ATP9B: variants seen among roughly 807,000 people sequenced by gnomAD.
ATP9B encodes the protein ATPase phospholipid transporting 9B.
A neutral mutation model predicts 146.1 loss-of-function variants in ATP9B; 110 were observed. The ratio of observed to expected loss-of-function variants is 0.75; its 90% confidence interval spans 0.65 to 0.88. The LOEUF is 0.88. Among genes scored for constraint, ATP9B ranks in the 40% least tolerant of loss-of-function variants. The pLI, the probability that ATP9B is intolerant of heterozygous loss-of-function variation, is 0.00. For missense variants in ATP9B, 1,499 were observed against 1,496.4 expected (o/e 1.00, Z -0.03); for synonymous variants, 604 against 569.7 (o/e 1.06, Z -0.86).
In ATP9B at chr18:79,345,561, C is replaced by T; in HGVS notation, c.2606C>T (p.Thr869Ile). ...CTGCAGCAGCACACAGGGAGACGCA[C>T]CTGCGCCATCGGTGAGAGCCGCCCA... ...TLLQQHTGRR[T>I]CAIGDGGNDV... Residue 869 changes from threonine (T) to isoleucine (I), a missense_variant, in exon 22 of 30, where the codon ACC (threonine) becomes ATC (isoleucine). Physicochemically the swap from Thr to Ile is moderately conservative, Grantham distance 89. Coordinates refer to ENST00000426216, the MANE Select transcript of ATP9B (RefSeq NM_198531.5). 1.2e-6 allele frequency: 2 copies of T among 1,608,472 alleles called. No individual in the cohort carries two copies. Among genetic ancestry groups the T allele is most frequent in the Non-Finnish European group, 1.7e-6 (2 of 1,179,848 alleles).
rs114294128 is a variant in ATP9B at position 79,104,765 on chromosome 18, T to A, written c.294-5590T>A. Among the ~76,000 whole-genome samples, 668 of 152,112 alleles carry A rather than the reference T, an allele frequency of 4.4e-3. 7 individuals carry two copies. Among genetic ancestry groups the A allele is most frequent in the African/African-American group, 0.016 (646 of 41,494 alleles). On this transcript the variant is annotated intron_variant, in intron 2 of 29. Transcript: ENST00000426216. ...GTCTTTATCTTTTTTTTTTTCTTTT[T>A]GAGACAGGCACTCTCTTGCCCAGGC...
rs138718743 is a variant in ATP9B, at chr18:79,272,032, G to A, written c.1269-5022G>A. Among the ~76,000 whole-genome samples, 1,151 of 152,314 alleles carry A rather than the reference G, an allele frequency of 7.6e-3. 16 individuals carry two copies. The highest frequency in any genetic ancestry group is 0.027 in the African/African-American group (1,105 of 41,570). On this transcript the variant is annotated intron_variant, in intron 12 of 29. Coordinates refer to ENST00000426216, the MANE Select transcript of ATP9B (RefSeq NM_198531.5). The stretch of plus-strand genomic sequence containing the variant: ...TTGTGTGTCTTTTGGCTGCATAAAT[G>A]TCTTCTTTTGAGAAGTGCTTGTTCA...
intron 11 of ATP9B, among the ~76,000 whole-genome samples, chr18:79,222,040 T>TG (rs1248816444): frequency 6.6e-6 from 1 of 152,168 alleles, no homozygotes; most frequent in Admixed American, 6.5e-5. Context: ...ATTTCCCACT[T>TG]GCCTATCCTG....
chr18:79,069,432 T>A lies in ATP9B; in HGVS notation c.22T>A (p.Tyr8Asn). The A allele has an allele frequency of 2.0e-6, 3 of 1,520,776 alleles. No homozygotes were observed. Among genetic ancestry groups the A allele is most frequent in the Non-Finnish European group, 2.6e-6 (3 of 1,138,116 alleles). The allele number at this position is 1,520,776 out of a possible 1,614,324, so 94.2% of individuals were successfully genotyped here. MADQIPL[Y>N]PVRSAAAAAA... ...GAACATGGCGGACCAGATCCCGCTTTACCCGGTGCGTAGCGCAGCGGCGGC... is the reference window on the plus strand; with the variant it reads ...GAACATGGCGGACCAGATCCCGCTTAACCCGGTGCGTAGCGCAGCGGCGGC... The change falls in exon 1 of 30, where the codon TAC (tyrosine) becomes AAC (asparagine). Residue 8 changes from tyrosine to asparagine, a missense_variant. Transcript: ENST00000426216.
At chr18:79,096,143 T>C (rs1188872420) in intron 1 of ATP9B, among the ~76,000 whole-genome samples, 1 of 152,204 alleles carries the variant, frequency 6.6e-6, no homozygotes, top group Non-Finnish European at 1.5e-5. Context: ...TTTCAGAAGA[T>C]TGGTTTTTTC....
At chr18:79,187,443 C>A (rs1388028263) in intron 8 of ATP9B, among the ~76,000 whole-genome samples, 5 of 152,212 alleles carry the variant, frequency 3.3e-5, no homozygotes, top group African/African-American at 1.2e-4. Flanking sequence ...TTCGCATGCT[C>A]TGCTGGCCAG....
chr18:79,359,499 G>C, intron 26 of ATP9B, 37 bp downstream of exon 26: 1 of 1,478,146 alleles, frequency 6.8e-7, no homozygotes, highest in Non-Finnish European at 9.5e-7. Flanking sequence ...CTCACGACTA[G>C]CACCCACATC....
rs2097079637 is a variant in ATP9B at position 79,372,747 on chromosome 18, C to T, written c.3013-78C>T. The T allele has an allele frequency of 1.4e-5, 13 of 934,926 alleles. No homozygotes were observed. The South Asian group carries it at 1.4e-4, about 10-fold the overall frequency. 57.9% of individuals were successfully genotyped at this position (934,926 alleles called of 1,614,324 possible). On this transcript the variant is annotated intron_variant, in intron 26 of 29. Coordinates refer to ENST00000426216, the MANE Select transcript of ATP9B (RefSeq NM_198531.5). ...ATGGACCTGGGTCTTTCAGAAGTGA[C>T]CCATAGCTCACTCCTGGAAGGCGTG... is the stretch of plus-strand genomic sequence containing the variant.
chr18:79,328,891 C>T (rs2096775389), intron 15 of ATP9B, among the ~76,000 whole-genome samples: 1 of 152,278 alleles, frequency 6.6e-6, no homozygotes, highest in East Asian at 1.9e-4. Flanking sequence ...TAAAGAAAGT[C>T]TTTATGATCC....
intron 11 of ATP9B, among the ~76,000 whole-genome samples, chr18:79,225,313 T>C (rs2095717989): frequency 6.6e-6 from 1 of 152,220 alleles, no homozygotes; most frequent in South Asian, 2.1e-4. Flanking sequence ...AACATGAAAT[T>C]AGATAGTTTT....
chr18:79,264,468 T>C (rs1019705604), intron 12 of ATP9B, among the ~76,000 whole-genome samples: 9 of 152,228 alleles, frequency 5.9e-5, no homozygotes, highest in African/African-American at 2.2e-4. Context: ...ATCTGTAGTT[T>C]GACTTTTTAC....
chr18:79,376,707 T>TG (rs2097105320), intron 29 of ATP9B, among the ~76,000 whole-genome samples: 2 of 150,612 alleles, frequency 1.3e-5, no homozygotes, highest in African/African-American at 4.9e-5. Context: ...TTTTTTTTTT[T>TG]TTTTTTGAGA....
chr18:79,119,333 A>G (rs533996570), intron 4 of ATP9B, among the ~76,000 whole-genome samples: 5 of 152,348 alleles, frequency 3.3e-5, no homozygotes, highest in African/African-American at 9.6e-5. Context: ...GCACACAAGC[A>G]CACACACGTC....
chr18:79,171,644 G>C (rs950067038), intron 7 of ATP9B, among the ~76,000 whole-genome samples: 1 of 152,066 alleles, frequency 6.6e-6, no homozygotes, highest in Non-Finnish European at 1.5e-5. Flanking sequence ...GTGCGCGTAA[G>C]GCTGTGTTAT....
At chr18:79,242,253 C>G (rs1437827560) in intron 11 of ATP9B, among the ~76,000 whole-genome samples, 1 of 152,172 alleles carries the variant, frequency 6.6e-6, no homozygotes, top group African/African-American at 2.4e-5. Flanking sequence ...AATCCTCTTT[C>G]GTAAACTGAT....
At chr18:79,076,219 A>T (rs144705722) in intron 1 of ATP9B, among the ~76,000 whole-genome samples, 1 of 152,360 alleles carries the variant, frequency 6.6e-6, no homozygotes, top group Non-Finnish European at 1.5e-5. Context: ...GAGGCAAAGG[A>T]AAGCCTATTA....
At position 79,069,475 on chromosome 18, in the gene ATP9B, G is replaced by T. The variant is rs911658150; in HGVS notation, c.65G>T (p.Arg22Leu). Reference protein sequence around the residue: ...SAAAAAANRKRAAYYSAAGPR... With the variant: ...SAAAAAANRKLAAYYSAAGPR... ...GCGGCGGCCGCAGCCAACCGCAAAC[G>T]CGCGGCCTACTACAGCGCCGCGGGG... The change falls in exon 1 of 30, where the codon CGC becomes CTC. Residue 22 changes from arginine to leucine, a missense_variant. Transcript: ENST00000426216. 6.7e-7 allele frequency: 1 copy of T among 1,502,888 alleles called. No homozygotes were observed. Among genetic ancestry groups the T allele is most frequent in the Non-Finnish European group, 8.9e-7 (1 of 1,128,458 alleles). The allele number at this position is 1,502,888 out of a possible 1,614,324, so 93.1% of individuals were successfully genotyped here.
At chr18:79,347,357 A>G (rs1029652236) in intron 23 of ATP9B, among the ~76,000 whole-genome samples, 5 of 152,272 alleles carry the variant, frequency 3.3e-5, no homozygotes, top group Non-Finnish European at 5.9e-5. Context: ...ATGAAAAAAC[A>G]GAATTGTCTT....
intron 1 of ATP9B, among the ~76,000 whole-genome samples, chr18:79,080,503 T>G (rs2073135452): frequency 6.6e-6 from 1 of 152,200 alleles, no homozygotes; most frequent in African/African-American, 2.4e-5. Flanking sequence ...GAGACTTTGC[T>G]AAGTTGCTTA....
Sources: allele counts gnomAD v4.1 joint callset (sites outside exome capture counted in the v4.1 genomes callset), GRCh38; gene constraint gnomAD v4.1.1; transcripts MANE v1.5; gene names NCBI Gene and HGNC (gene_info 2026-07-23, HGNC 2026-07-21).